Variants in SPATA6 observed in about 807,000 individuals in gnomAD.
SPATA6 encodes spermatogenesis-associated protein 6.
A neutral mutation model predicts 65.3 loss-of-function variants in SPATA6; 56 were observed. The observed-to-expected ratio is 0.86, with a 90% CI of 0.69 to 1.07. SPATA6 has a LOEUF of 1.07. SPATA6 is among the 50% of genes least tolerant of loss of function. The pLI, the probability that SPATA6 is intolerant of heterozygous loss-of-function variation, is 0.00. For synonymous variants in SPATA6, 199 were observed against 213.2 expected (o/e 0.93, Z 0.58); for missense variants, 590 against 594.8 (o/e 0.99, Z 0.08).
intron 3 of SPATA6, among the ~76,000 whole-genome samples, chr1:48,420,084 G>A (rs973623988): frequency 2.9e-4 from 44 of 152,086 alleles, no homozygotes; most frequent in African/African-American, 9.7e-4. Context: ...TAGGAGGAGA[G>A]AGGAGTGGAG....
At position 48,344,828 on chromosome 1, in the gene SPATA6, T is replaced by C. The variant is rs143348993; in HGVS notation, c.1194+10842A>G. On this transcript the variant is annotated intron_variant, in intron 11 of 12. Coordinates refer to ENST00000371847, the MANE Select transcript of SPATA6 (RefSeq NM_019073.4). The stretch of plus-strand genomic sequence containing the variant: ...ACAATTCAACAAGAAGATCTACCTA[T>C]CCTAAATACATATGCACCCAACACA... 9.2e-5 allele frequency among the ~76,000 whole-genome samples: 14 copies of C among 152,270 alleles called. 1 individual carries two copies. In the East Asian group the frequency reaches 1.9e-3, roughly 21 times the overall value.
chr1:48,389,531 A>G (rs1398990987), intron 8 of SPATA6, among the ~76,000 whole-genome samples: 1 of 152,198 alleles, frequency 6.6e-6, no homozygotes, highest in Non-Finnish European at 1.5e-5. Flanking sequence ...GAACAAGAGA[A>G]AAGTGACTAA....
At chr1:48,347,496 GTATA>G (rs1646401932) in intron 11 of SPATA6, among the ~76,000 whole-genome samples, 1 of 135,274 alleles carries the variant, frequency 7.4e-6, no homozygotes, top group Non-Finnish European at 1.5e-5. Flanking sequence ...ATGTATATAT[GTATA>G]TATAATGTAT....
the SPATA6 span, among the ~76,000 whole-genome samples, chr1:48,282,598 T>C: frequency 3.9e-5 from 6 of 152,198 alleles, no homozygotes; most frequent in East Asian, 1.2e-3. Flanking sequence ...TCACCATCAC[T>C]GGCCATCAGA....
At chr1:48,372,928 AGGGACCCT>A (rs1463202269) in intron 9 of SPATA6, among the ~76,000 whole-genome samples, 1 of 152,184 alleles carries the variant, frequency 6.6e-6, no homozygotes, top group East Asian at 1.9e-4. Context: ...CACACAGCAC[AGGGACCCT>A]GGGCCCAGTC....
intron 3 of SPATA6, among the ~76,000 whole-genome samples, chr1:48,434,259 G>GAA (rs530291772): frequency 0.059 from 6,506 of 109,858 alleles, 284 homozygotes; most frequent in African/African-American, 0.098. Flanking sequence ...AGCAGTGAAA[G>GAA]AAAAAAAAAA....
intron 1 of SPATA6, among the ~76,000 whole-genome samples, chr1:48,471,633 C>T (rs1296091807): frequency 6.6e-6 from 1 of 152,128 alleles, no homozygotes; most frequent in Non-Finnish European, 1.5e-5. Context: ...GAAAAGCCCC[C>T]GCGCCGCGCA....
chr1:48,382,411 G>C (rs1431057553), intron 9 of SPATA6, among the ~76,000 whole-genome samples: 1 of 140,124 alleles, frequency 7.1e-6, no homozygotes, highest in Non-Finnish European at 1.5e-5. Context: ...AGGGGCGGCC[G>C]GGCAGAGGCA....
intron 6 of SPATA6, chr1:48,401,012 TTCTG>T (rs566061712): frequency 2.1e-3 from 434 of 203,710 alleles, no homozygotes; most frequent in African/African-American, 8.5e-3. Context: ...AATCATGAGT[TTCTG>T]TCTTTCAGTT....
At chr1:48,466,426 T>C (rs1339210838) in intron 1 of SPATA6, among the ~76,000 whole-genome samples, 1 of 151,960 alleles carries the variant, frequency 6.6e-6, no homozygotes, top group Non-Finnish European at 1.5e-5. Flanking sequence ...TACACAGACA[T>C]ACACAAATAC....
At chr1:48,455,753 T>TA (rs964337104) in intron 1 of SPATA6, among the ~76,000 whole-genome samples, 2 of 152,162 alleles carry the variant, frequency 1.3e-5, no homozygotes, top group African/African-American at 4.8e-5. Flanking sequence ...TTGAGGCTCT[T>TA]ATATTTTTTC....
intron 9 of SPATA6, among the ~76,000 whole-genome samples, chr1:48,372,032 T>C (rs934996340): frequency 6.6e-6 from 1 of 152,144 alleles, no homozygotes; most frequent in African/African-American, 2.4e-5. Context: ...AAGATTTGGA[T>C]GGGAACACAG....
intron 9 of SPATA6, among the ~76,000 whole-genome samples, chr1:48,376,331 C>T (rs1265594629): frequency 6.6e-6 from 1 of 152,110 alleles, no homozygotes; most frequent in Non-Finnish European, 1.5e-5. Flanking sequence ...AAAGCCTAAA[C>T]AAGATAAACA....
chr1:48,286,329 C>T, the SPATA6 span, among the ~76,000 whole-genome samples: 7 of 152,114 alleles, frequency 4.6e-5, no homozygotes, highest in East Asian at 1.4e-3. Context: ...CTATTTGTGT[C>T]TTTCTGAATT....
At chr1:48,299,017 TAAAAC>T in intron 12 of SPATA6, 124 bp from the exon 13 acceptor site, 1 of 907,262 alleles carries the variant, frequency 1.1e-6, no homozygotes. Flanking sequence ...CTGTGAAAAA[TAAAAC>T]AGAGTAAGGC....
Position 48,471,949 on chromosome 1 carries a change from G to A in SPATA6, c.51+9C>T, listed in dbSNP as rs777193888. The A allele has an allele frequency of 6.2e-7, 1 of 1,610,026 alleles. No homozygotes were observed. Among genetic ancestry groups the A allele is most frequent in the Admixed American group, 1.7e-5 (1 of 59,848 alleles). ...ATGCCCGGGGGTGGGAGGCGCTACCGGTACTCACTGAGCTGATCTCCAGCG... is the reference window on the plus strand; with the variant it reads ...ATGCCCGGGGGTGGGAGGCGCTACCAGTACTCACTGAGCTGATCTCCAGCG... On this transcript the variant is annotated intron_variant, in intron 1 of 12. Transcript: ENST00000371847.
intron 12 of SPATA6, among the ~76,000 whole-genome samples, chr1:48,299,584 G>A (rs1053695919): frequency 8.3e-5 from 12 of 144,218 alleles, no homozygotes; most frequent in African/African-American, 3.0e-4. Flanking sequence ...CTGAATTCCA[G>A]CTCAGTCCTT....
At chr1:48,319,756 C>T (rs1346509359) in intron 11 of SPATA6, among the ~76,000 whole-genome samples, 1 of 152,124 alleles carries the variant, frequency 6.6e-6, no homozygotes, top group Non-Finnish European at 1.5e-5. Flanking sequence ...CAGCGAGCCA[C>T]CTGGAGATTG....
At chr1:48,325,603 G>T in intron 11 of SPATA6, 1 of 826,194 alleles carries the variant, frequency 1.2e-6, no homozygotes, top group Non-Finnish European at 2.1e-6. Context: ...AAATCCACTT[G>T]TTGTGGGCAG....
Sources: allele counts gnomAD v4.1 joint callset (sites outside exome capture counted in the v4.1 genomes callset), GRCh38; gene constraint gnomAD v4.1.1; transcripts MANE v1.5; gene names NCBI Gene and HGNC (gene_info 2026-07-23, HGNC 2026-07-21).